PUM3: variants seen among roughly 807,000 people sequenced by gnomAD.
PUM3 encodes the protein pumilio homolog 3.
Under a neutral mutation model 84.0 loss-of-function variants are expected in PUM3, and 91 were observed. The ratio of observed to expected loss-of-function variants is 1.08; its 90% CI spans 0.91 to 1.29. The LOEUF is 1.29. PUM3 is among the 50% of genes most tolerant of loss of function. The pLI, the probability that PUM3 is intolerant of heterozygous loss-of-function variation, is 0.00. For synonymous variants in PUM3, 321 were observed against 266.7 expected (o/e 1.20, Z -1.98); for missense variants, 1,067 against 767.5 (o/e 1.39, Z -4.61).
chr9:2,804,918 C>A (rs73394615), intron 17 of PUM3, among the ~76,000 whole-genome samples: 32 of 152,272 alleles, frequency 2.1e-4, no homozygotes, highest in Middle Eastern at 3.4e-3. Context: ...AAGGTGTGAA[C>A]AGAGGCACAG....
chr9:2,827,738 A>C (rs1377340321), intron 9 of PUM3, among the ~76,000 whole-genome samples: 1 of 152,214 alleles, frequency 6.6e-6, no homozygotes, highest in African/African-American at 2.4e-5. Flanking sequence ...GACAGCAAAA[A>C]CTAACACTGC....
At chr9:2,829,652 G>T (rs1013019187) in intron 8 of PUM3, 122 bp downstream of exon 8, 2 of 795,162 alleles carry the variant, frequency 2.5e-6, no homozygotes, top group African/African-American at 1.7e-5. Context: ...AAGGGCATAA[G>T]ATGGTCTCTT....
At chr9:2,814,804 C>CA (rs773220113) in intron 13 of PUM3, among the ~76,000 whole-genome samples, 1 of 151,870 alleles carries the variant, frequency 6.6e-6, no homozygotes, top group Non-Finnish European at 1.5e-5. Flanking sequence ...TTTTTGAGAA[C>CA]AAAACCAAAA....
chr9:2,831,856 T>G (rs367657024), intron 5 of PUM3, among the ~76,000 whole-genome samples: 1 of 152,194 alleles, frequency 6.6e-6, no homozygotes, highest in Non-Finnish European at 1.5e-5. Context: ...TATAATAAGT[T>G]AATCATCCAT....
Position 2,811,481 on chromosome 9 carries a change from C to T in PUM3, c.1515G>A (p.Lys505=), listed in dbSNP as rs760360739. The part of the protein sequence containing the change: ...QEHAQEVVLD[K]SACVLVSDIL... Reference sequence around the variant, plus strand: ...TGTCAGACACCAACACACACGCAGACTTATCTAGCACCACTTCTTGGGCGT... The same window carrying T: ...TGTCAGACACCAACACACACGCAGATTTATCTAGCACCACTTCTTGGGCGT... The change falls in exon 15 of 18, where the codon AAG becomes AAA. Residue 505 remains lysine (K), a synonymous_variant. Transcript: ENST00000397885. 2 of 1,614,050 alleles carry T rather than the reference C, an allele frequency of 1.2e-6. No individual in the cohort carries two copies. Among genetic ancestry groups the T allele is most frequent in the African/African-American group, 2.7e-5 (2 of 74,916 alleles).
At chr9:2,815,368 T>C (rs1821449859) in intron 13 of PUM3, among the ~76,000 whole-genome samples, 1 of 152,024 alleles carries the variant, frequency 6.6e-6, no homozygotes, top group East Asian at 1.9e-4. Flanking sequence ...TTAACTTGGG[T>C]TACAGAGAAA....
At chr9:2,826,001 C>CA (rs1328206454) in intron 10 of PUM3, among the ~76,000 whole-genome samples, 3 of 152,184 alleles carry the variant, frequency 2.0e-5, no homozygotes, top group African/African-American at 7.2e-5. Flanking sequence ...CTCTCAAGAG[C>CA]AGTTTCAACT....
chr9:2,810,705 T>C (rs1344184473), intron 15 of PUM3, among the ~76,000 whole-genome samples: 8 of 152,332 alleles, frequency 5.3e-5, no homozygotes, highest in Middle Eastern at 3.4e-3. Flanking sequence ...CTCTGAACAG[T>C]AGCAGCACAA....
At chr9:2,824,918 G>T in intron 10 of PUM3, 103 bp from the exon 11 acceptor site, 1 of 604,892 alleles carries the variant, frequency 1.7e-6, no homozygotes, top group Non-Finnish European at 2.5e-6. Flanking sequence ...GAGAAGGAAA[G>T]GAAGAGAGTG....
At chr9:2,836,250 C>G (rs1816117293) in intron 3 of PUM3, among the ~76,000 whole-genome samples, 1 of 152,056 alleles carries the variant, frequency 6.6e-6, no homozygotes, top group Non-Finnish European at 1.5e-5. Flanking sequence ...AAAACCATCC[C>G]CAGTGGTCTC....
chr9:2,816,987 A>G (rs1467075195), intron 13 of PUM3, among the ~76,000 whole-genome samples: 1 of 152,204 alleles, frequency 6.6e-6, no homozygotes, highest in Non-Finnish European at 1.5e-5. Flanking sequence ...GCGTAATGCA[A>G]TGGTTTCGTA....
intron 15 of PUM3, 36 bp downstream of exon 15, chr9:2,811,325 T>C (rs1469262261): frequency 1.2e-6 from 2 of 1,601,042 alleles, no homozygotes; most frequent in Non-Finnish European, 1.7e-6. Flanking sequence ...TTGTGGCCTT[T>C]GCAGCTTTCC....
chr9:2,816,616 G>A (rs932730079), intron 13 of PUM3, among the ~76,000 whole-genome samples: 4 of 152,162 alleles, frequency 2.6e-5, no homozygotes, highest in African/African-American at 9.7e-5. Context: ...CCTTGCAGAG[G>A]GTGTGTGCTC....
chr9:2,827,502 AT>A (rs1815856044), intron 9 of PUM3, among the ~76,000 whole-genome samples: 1 of 152,148 alleles, frequency 6.6e-6, no homozygotes, highest in African/African-American at 2.4e-5. Flanking sequence ...ATGTGGATGT[AT>A]TTTTTTAATA....
chr9:2,828,546 T>G, intron 9 of PUM3, 129 bp downstream of exon 9: 2 of 605,650 alleles, frequency 3.3e-6, no homozygotes, highest in East Asian at 2.8e-5. Context: ...CCAACACTTT[T>G]GCACTCTTAT....
In PUM3 at chr9:2,838,905, G is replaced by C. The variant is rs539695718; in HGVS notation, c.-10-388C>G. Among the ~76,000 whole-genome samples, 5 of 152,228 alleles carry C rather than the reference G, an allele frequency of 3.3e-5. No homozygotes were observed. In the East Asian group the frequency reaches 9.6e-4, roughly 29 times the overall value. On this transcript the variant is annotated intron_variant, in intron 1 of 17. Transcript: ENST00000397885. ...TGAATAACTGACAAAATTATCGCTTGATTTCTTGGAGCCTAAAAAGCCAGG... is the reference window on the plus strand; with the variant it reads ...TGAATAACTGACAAAATTATCGCTTCATTTCTTGGAGCCTAAAAAGCCAGG...
chr9:2,807,914 A>G lies in PUM3; in HGVS notation c.1724-10T>C, dbSNP rs1250100646. On this transcript the variant is annotated splice_polypyrimidine_tract_variant and intron_variant, in intron 16 of 17. Transcript: ENST00000397885. ...GTTTTTGCAAAACAACCTGTAAAAT[A>G]TACTGAAGCTTAGTGAACATCACAT... 1 of 1,567,490 alleles carries G rather than the reference A, an allele frequency of 6.4e-7. No individual in the cohort carries two copies. The highest frequency in any genetic ancestry group is 1.1e-5 in the South Asian group (1 of 90,120).
intron 10 of PUM3, among the ~76,000 whole-genome samples, chr9:2,825,110 T>C (rs1005513941): frequency 2.0e-5 from 3 of 152,150 alleles, no homozygotes; most frequent in Admixed American, 6.5e-5. Context: ...ATATAATATA[T>C]TCTAAATAAT....
chr9:2,842,499 TTC>T (rs755902009), intron 1 of PUM3, among the ~76,000 whole-genome samples: 17 of 152,252 alleles, frequency 1.1e-4, no homozygotes, highest in Non-Finnish European at 2.1e-4. Flanking sequence ...TTTAAAGCCA[TTC>T]TCTCTACCAA....
Sources: allele counts gnomAD v4.1 joint callset (sites outside exome capture counted in the v4.1 genomes callset), GRCh38; gene constraint gnomAD v4.1.1; transcripts MANE v1.5; gene names NCBI Gene and HGNC (gene_info 2026-07-23, HGNC 2026-07-21).